The following HCN1 variants were observed in gnomAD, a reference collection of about 807,000 sequenced individuals.
HCN1 encodes the protein potassium/sodium hyperpolarization-activated cyclic nucleotide-gated channel 1.
A neutral mutation model predicts 78.9 loss-of-function variants in HCN1; 13 were observed. The ratio of observed to expected loss-of-function variants is 0.16; its 90% CI spans 0.11 to 0.26. The LOEUF is 0.26. Among genes scored for constraint, HCN1 ranks in the 10% least tolerant of loss-of-function variants. The probability of loss-of-function intolerance (pLI) is 1.00; values close to 1 mark genes in which losing one functional copy is unlikely to be tolerated. For synonymous variants in HCN1, 552 were observed against 455.5 expected, an observed-to-expected ratio of 1.21 and a Z score of -2.70; for missense variants, 810 against 1,154.3, an observed-to-expected ratio of 0.70 and a Z score of 4.32.
chr5:45,672,442 T>C (rs1746169192), intron 1 of HCN1, among the ~76,000 whole-genome samples: 1 of 151,408 alleles, frequency 6.6e-6, no homozygotes, highest in African/African-American at 2.4e-5. Flanking sequence ...GTTAAGTACT[T>C]GCTAGTATTT....
chr5:45,657,253 CAATG>C (rs1018053286), intron 1 of HCN1, among the ~76,000 whole-genome samples: 1 of 152,164 alleles, frequency 6.6e-6, no homozygotes, highest in African/African-American at 2.4e-5. Flanking sequence ...CAAACGAATT[CAATG>C]AATATCCACT....
chr5:45,292,410 T>C (rs1487262364), intron 6 of HCN1, among the ~76,000 whole-genome samples: 1 of 152,040 alleles, frequency 6.6e-6, no homozygotes, highest in Non-Finnish European at 1.5e-5. Flanking sequence ...TTAACCGTGT[T>C]AAATTTACAA....
In HCN1 at chr5:45,644,767, G is replaced by A. The variant is rs532568815; in HGVS notation, c.849+418C>T. On this transcript the variant is annotated intron_variant, in intron 2 of 7. Transcript: ENST00000303230. Reference sequence around the variant, plus strand: ...AATTCAATGAAACTTCAATATTAGAGGATACAAAAACCACACTATCTCACA... The same window carrying A: ...AATTCAATGAAACTTCAATATTAGAAGATACAAAAACCACACTATCTCACA... 1.5e-4 allele frequency: 26 copies of A among 177,496 alleles called. 1 individual carries two copies. The South Asian group carries it at 3.1e-3, about 21-fold the overall frequency. 11.0% of individuals were successfully genotyped at this position (177,496 alleles called of 1,614,324 possible). A position where few individuals can be genotyped will look rare whatever the true frequency, so the allele number is the denominator to read the frequency against.
chr5:45,413,309 A>AT (rs1335002815), intron 3 of HCN1, among the ~76,000 whole-genome samples: 5 of 152,068 alleles, frequency 3.3e-5, no homozygotes, highest in Non-Finnish European at 7.4e-5. Flanking sequence ...AATTTCAGAT[A>AT]TTTTTTATGA....
intron 6 of HCN1, among the ~76,000 whole-genome samples, chr5:45,292,287 A>G (rs1361536314): frequency 1.3e-5 from 2 of 152,128 alleles, no homozygotes; most frequent in African/African-American, 4.8e-5. Context: ...GGCTATTAAC[A>G]TTTAATTCAA....
At position 45,283,640 on chromosome 5, in the gene HCN1, A is replaced by G. The variant is rs147559599; in HGVS notation, c.1619-16387T>C. Among the ~76,000 whole-genome samples, 36 of 152,286 alleles carry G rather than the reference A, an allele frequency of 2.4e-4. 2 individuals are homozygous for G. The highest frequency in any genetic ancestry group is 7.9e-4 in the African/African-American group (33 of 41,572). ...GTCTACCATTAAAAAGTAAAAAAAT[A>G]ACAGATGCAGGTGAGGTTGCAGAGA... On this transcript the variant is annotated intron_variant, in intron 6 of 7. Transcript: ENST00000303230.
At chr5:45,376,566 G>A (rs1747682322) in intron 4 of HCN1, among the ~76,000 whole-genome samples, 1 of 151,340 alleles carries the variant, frequency 6.6e-6, no homozygotes, top group South Asian at 2.1e-4. Context: ...AAAATTTAAA[G>A]GATGATGATA....
intron 5 of HCN1, among the ~76,000 whole-genome samples, chr5:45,324,736 A>T (rs1485096471): frequency 6.6e-6 from 1 of 151,814 alleles, no homozygotes; most frequent in African/African-American, 2.4e-5. Flanking sequence ...GGAAATGGCT[A>T]GCTAGCCAAA....
At chr5:45,623,693 C>T (rs184530914) in intron 2 of HCN1, among the ~76,000 whole-genome samples, 6 of 152,188 alleles carry the variant, frequency 3.9e-5, no homozygotes, top group African/African-American at 1.2e-4. Context: ...AACTCCTTTA[C>T]GTTGTTTTAG....
At chr5:45,329,720 C>T (rs1348313914) in intron 5 of HCN1, among the ~76,000 whole-genome samples, 6 of 151,130 alleles carry the variant, frequency 4.0e-5, no homozygotes, top group Non-Finnish European at 8.9e-5. Flanking sequence ...ACTGTAGAAC[C>T]TTAGGGAAAA....
chr5:45,593,187 G>T (rs1744409638), intron 2 of HCN1, among the ~76,000 whole-genome samples: 2 of 148,530 alleles, frequency 1.3e-5, no homozygotes, highest in Non-Finnish European at 3.0e-5. Flanking sequence ...AGTCCTTACA[G>T]TTGCACGCGC....
Position 45,255,260 on chromosome 5 carries a change from G to T in HCN1, c.*6661C>A, listed in dbSNP as rs1744584483. On this transcript the variant is annotated 3_prime_UTR_variant, in exon 8 of 8. Coordinates refer to ENST00000303230, the MANE Select transcript of HCN1 (RefSeq NM_021072.4). Reference sequence around the variant, plus strand: ...GCTTGTGTTTATTTAATGTTCTCTCGCTTTCCTTGTCTAGCCAAGATCCCA... The same window carrying T: ...GCTTGTGTTTATTTAATGTTCTCTCTCTTTCCTTGTCTAGCCAAGATCCCA... The T allele has an allele frequency of 6.6e-6, 1 of 152,070 alleles. No homozygotes were observed. Among genetic ancestry groups the T allele is most frequent in the Non-Finnish European group, 1.5e-5 (1 of 68,020 alleles). The allele number at this position is 152,070 out of a possible 1,614,324, so 9.4% of individuals were successfully genotyped here.
Position 45,259,818 on chromosome 5 carries a change from A to AATC in HCN1, c.*2100_*2102dup, listed in dbSNP as rs1561077897. ...TTAATAATTTAAAGGACCAATACGT[A>AATC]ATCTTAATAAATTGAAGTTAATTCT... On this transcript the variant is annotated 3_prime_UTR_variant, in exon 8 of 8. Transcript: ENST00000303230. 1 of 152,554 alleles carries AATC rather than the reference A, an allele frequency of 6.6e-6. No homozygotes were observed. Among genetic ancestry groups the AATC allele is most frequent in the Non-Finnish European group, 1.5e-5 (1 of 67,994 alleles). 9.5% of individuals were successfully genotyped at this position (152,554 alleles called of 1,614,324 possible).
At chr5:45,541,094 A>G (rs533334094) in intron 2 of HCN1, among the ~76,000 whole-genome samples, 1 of 152,306 alleles carries the variant, frequency 6.6e-6, no homozygotes, top group African/African-American at 2.4e-5. Context: ...CTAAGAGGAG[A>G]AGACCTAAAC....
In HCN1 at chr5:45,299,471, A is replaced by AT. The variant is rs1390615614; in HGVS notation, c.1618+4127dup. Among the ~76,000 whole-genome samples, 28 of 151,930 alleles carry AT rather than the reference A, an allele frequency of 1.8e-4. 1 individual carries two copies. Among genetic ancestry groups the AT allele is most frequent in the Non-Finnish European group, 1.2e-4 (8 of 67,892 alleles). The stretch of plus-strand genomic sequence containing the variant: ...AAAAATTATTTTGAATCATCTGGGG[A>AT]TTTTTTTCAACATACTGGTGATTGG... On this transcript the variant is annotated intron_variant, in intron 6 of 7. Transcript: ENST00000303230.
intron 5 of HCN1, among the ~76,000 whole-genome samples, chr5:45,326,589 T>C (rs1417885299): frequency 6.6e-6 from 1 of 151,702 alleles, no homozygotes; most frequent in Non-Finnish European, 1.5e-5. Flanking sequence ...GTTATTTCTT[T>C]AACTGCTAAA....
At chr5:45,417,106 G>A (rs192591955) in intron 3 of HCN1, among the ~76,000 whole-genome samples, 2 of 152,040 alleles carry the variant, frequency 1.3e-5, no homozygotes, top group African/African-American at 2.4e-5. Flanking sequence ...ACATTCAGAT[G>A]TGGTTTTCTC....
intron 3 of HCN1, among the ~76,000 whole-genome samples, chr5:45,435,251 G>A (rs1034009665): frequency 1.3e-5 from 2 of 151,920 alleles, no homozygotes; most frequent in African/African-American, 2.4e-5. Flanking sequence ...GTATTGATAC[G>A]ATGACTGAAG....
intron 2 of HCN1, among the ~76,000 whole-genome samples, chr5:45,500,786 C>A (rs944192971): frequency 6.6e-6 from 1 of 152,096 alleles, no homozygotes; most frequent in Non-Finnish European, 1.5e-5. Flanking sequence ...GGATGTAAAT[C>A]ATTTTATTTG....
Sources: allele counts gnomAD v4.1 joint callset (sites outside exome capture counted in the v4.1 genomes callset), GRCh38; gene constraint gnomAD v4.1.1; transcripts MANE v1.5; gene names NCBI Gene and HGNC (gene_info 2026-07-23, HGNC 2026-07-21).